ZBTB7C: variants seen among roughly 807,000 people sequenced by gnomAD.
ZBTB7C encodes zinc finger and BTB domain-containing protein 7C.
In ZBTB7C, 8 loss-of-function variants were observed where a neutral mutation model predicts 25.7. That is an observed-to-expected ratio of 0.31 (90% CI 0.18 to 0.56). ZBTB7C has a LOEUF of 0.56. Ranked by LOEUF, ZBTB7C falls within the 20% of genes least tolerant of loss-of-function variation. The pLI, the probability that ZBTB7C is intolerant of heterozygous loss-of-function variation, is 0.91. For synonymous variants in ZBTB7C, 394 were observed against 369.0 expected, an observed-to-expected ratio of 1.07 and a Z score of -0.78; for missense variants, 824 against 855.2, an observed-to-expected ratio of 0.96 and a Z score of 0.46.
intron 2 of ZBTB7C, among the ~76,000 whole-genome samples, chr18:48,328,873 G>A (rs1049481076): frequency 3.3e-5 from 5 of 152,072 alleles, no homozygotes; most frequent in African/African-American, 1.2e-4. Flanking sequence ...GGTCAATACC[G>A]CCACTTCCTA....
chr18:48,322,413 C>G (rs1442652757), intron 2 of ZBTB7C, among the ~76,000 whole-genome samples: 2 of 152,186 alleles, frequency 1.3e-5, no homozygotes, highest in African/African-American at 4.8e-5. Flanking sequence ...ACAAAATTAT[C>G]CTGGCTAGGA....
At chr18:48,167,342 C>G (rs1279999256) in intron 3 of ZBTB7C, among the ~76,000 whole-genome samples, 6 of 152,194 alleles carry the variant, frequency 3.9e-5, no homozygotes, top group Non-Finnish European at 5.9e-5. Flanking sequence ...TTTGGCCCAG[C>G]TCTTTCCTCC....
At chr18:48,163,799 G>A (rs780124190) in intron 3 of ZBTB7C, among the ~76,000 whole-genome samples, 1 of 152,180 alleles carries the variant, frequency 6.6e-6, no homozygotes, top group Non-Finnish European at 1.5e-5. Context: ...TCCATTTCAC[G>A]AATGCAAAAT....
At chr18:48,372,331 T>C (rs1324260533) in intron 1 of ZBTB7C, among the ~76,000 whole-genome samples, 1 of 152,222 alleles carries the variant, frequency 6.6e-6, no homozygotes, top group Non-Finnish European at 1.5e-5. Flanking sequence ...CTAAAGTCAG[T>C]GCTCAGCAAG....
chr18:48,038,794 A>C (rs745802353), intron 4 of ZBTB7C, among the ~76,000 whole-genome samples: 4 of 152,030 alleles, frequency 2.6e-5, no homozygotes, highest in Non-Finnish European at 4.4e-5. Context: ...TGGGGAAGGG[A>C]CCTAGTCTAG....
At chr18:48,071,959 G>C (rs62086093) in intron 3 of ZBTB7C, among the ~76,000 whole-genome samples, 23,978 of 152,226 alleles carry the variant, frequency 0.16, 2,505 homozygotes, top group South Asian at 0.22. Flanking sequence ...GCGAGTTAGT[G>C]TTTAATGGGG....
chr18:48,238,710 C>T (rs111538512), intron 2 of ZBTB7C, among the ~76,000 whole-genome samples: 29 of 152,314 alleles, frequency 1.9e-4, no homozygotes, highest in African/African-American at 6.7e-4. Flanking sequence ...GGAAGGATCA[C>T]AGAGAGAAGG....
At chr18:48,151,685 C>T (rs1243247469) in intron 3 of ZBTB7C, among the ~76,000 whole-genome samples, 1 of 152,168 alleles carries the variant, frequency 6.6e-6, no homozygotes, top group African/African-American at 2.4e-5. Context: ...TCCAATCAGA[C>T]AGGAGGGAAA....
intron 2 of ZBTB7C, among the ~76,000 whole-genome samples, chr18:48,206,475 T>G (rs1423911085): frequency 6.6e-6 from 1 of 152,056 alleles, no homozygotes; most frequent in African/African-American, 2.4e-5. Flanking sequence ...GGCAATATGG[T>G]GAAACCCTGT....
chr18:48,172,073 C>T (rs376316799), intron 3 of ZBTB7C, among the ~76,000 whole-genome samples: 8 of 152,206 alleles, frequency 5.3e-5, no homozygotes, highest in South Asian at 2.1e-4. Context: ...AAGAAACAGA[C>T]GTGGCCAGGC....
intron 3 of ZBTB7C, among the ~76,000 whole-genome samples, chr18:48,184,869 G>C (rs539934606): frequency 1.3e-5 from 2 of 151,962 alleles, no homozygotes; most frequent in South Asian, 2.1e-4. Flanking sequence ...CTCTCTCTCT[G>C]AGACAAAGGG....
intron 2 of ZBTB7C, among the ~76,000 whole-genome samples, chr18:48,224,824 T>C (rs2043049646): frequency 6.6e-6 from 1 of 152,154 alleles, no homozygotes; most frequent in South Asian, 2.1e-4. Flanking sequence ...AGCTTAAACA[T>C]ACTCTACAGA....
At chr18:48,097,691 C>T (rs989909454) in intron 3 of ZBTB7C, among the ~76,000 whole-genome samples, 4 of 152,136 alleles carry the variant, frequency 2.6e-5, no homozygotes, top group African/African-American at 4.8e-5. Context: ...GCTACGGCGC[C>T]CAGCGTGGAT....
chr18:48,358,382 C>T (rs144853641), intron 1 of ZBTB7C, among the ~76,000 whole-genome samples: 3 of 152,184 alleles, frequency 2.0e-5, no homozygotes, highest in Non-Finnish European at 4.4e-5. Context: ...TGTGACACCT[C>T]TGCCCTGTCT....
chr18:48,086,042 T>A lies in ZBTB7C; in HGVS notation c.-16-44919A>T, dbSNP rs559925856. On this transcript the variant is annotated intron_variant, in intron 3 of 4. Transcript: ENST00000590800. ...CTGACTCATCTTCTTACAAGCAACT[T>A]GGATCATGTCATTCTCTTGTTCAAT... Among the ~76,000 whole-genome samples the A allele has an allele frequency of 2.6e-5, 4 of 152,324 alleles. No individual in the cohort carries two copies. The South Asian group carries it at 8.3e-4, about 32-fold the overall frequency.
At chr18:48,207,491 ACTT>A (rs1334116619) in intron 2 of ZBTB7C, among the ~76,000 whole-genome samples, 1 of 152,210 alleles carries the variant, frequency 6.6e-6, no homozygotes, top group African/African-American at 2.4e-5. Flanking sequence ...AAAAGAATAA[ACTT>A]CTGAATAGTC....
chr18:48,291,979 C>T lies in ZBTB7C; in HGVS notation c.-79+46195G>A, dbSNP rs538480140. Among the ~76,000 whole-genome samples, 6 of 152,270 alleles carry T rather than the reference C, an allele frequency of 3.9e-5. No individual in the cohort carries two copies. The South Asian group carries it at 1.2e-3, about 32-fold the overall frequency. ...TTGGGAGGCTGAGGCAGGCAGATCACCTGAGGTCAGGAGTTTGAGGCCAGC... is the reference window on the plus strand; with the variant it reads ...TTGGGAGGCTGAGGCAGGCAGATCATCTGAGGTCAGGAGTTTGAGGCCAGC... On this transcript the variant is annotated intron_variant, in intron 2 of 4. Transcript: ENST00000590800.
At chr18:48,338,066 TGC>T (rs2046496817) in intron 2 of ZBTB7C, 106 bp downstream of exon 2, 1 of 152,230 alleles carries the variant, frequency 6.6e-6, no homozygotes, top group Non-Finnish European at 1.5e-5. Context: ...GTGCTTTGTT[TGC>T]ATAGTTATCT....
rs148672443 is a variant in ZBTB7C, at chr18:48,378,793, A to C, written c.-304+30433T>G. On this transcript the variant is annotated intron_variant, in intron 1 of 4. Coordinates refer to ENST00000590800, the MANE Select transcript of ZBTB7C (RefSeq NM_001318841.2). ...GAACATTCAGAGAATAGAAACAAAA[A>C]TTCTTGTAAATTAAAAATATAATAA... is the stretch of plus-strand genomic sequence containing the variant. Among the ~76,000 whole-genome samples the C allele has an allele frequency of 2.6e-4, 40 of 152,322 alleles. 1 individual carries two copies. The East Asian group carries it at 4.4e-3, about 17-fold the overall frequency.
Sources: allele counts gnomAD v4.1 joint callset (sites outside exome capture counted in the v4.1 genomes callset), GRCh38; gene constraint gnomAD v4.1.1; transcripts MANE v1.5; gene names NCBI Gene and HGNC (gene_info 2026-07-23, HGNC 2026-07-21).